Variants in SGCZ observed in about 807,000 individuals in gnomAD.
SGCZ encodes zeta-sarcoglycan.
SGCZ carries 40 observed loss-of-function variants against 41.3 expected under a neutral mutation model. The ratio of observed to expected loss-of-function variants is 0.97; its 90% confidence interval spans 0.75 to 1.26. The LOEUF is 1.26. Ranked by LOEUF, SGCZ falls within the 50% of genes most tolerant of loss-of-function variation. SGCZ has a pLI of 0.00. For synonymous variants in SGCZ, 206 were observed against 137.5 expected, an observed-to-expected ratio of 1.50 and a Z score of -3.49; for missense variants, 552 against 369.8, an observed-to-expected ratio of 1.49 and a Z score of -4.04.
intron 1 of SGCZ, among the ~76,000 whole-genome samples, chr8:14,561,881 T>C (rs1292339950): frequency 6.6e-6 from 1 of 152,142 alleles, no homozygotes; most frequent in Non-Finnish European, 1.5e-5. Flanking sequence ...CCTGATCAAA[T>C]AGAATTACAT....
At chr8:14,946,488 C>T (rs1800451143) in intron 1 of SGCZ, among the ~76,000 whole-genome samples, 1 of 151,972 alleles carries the variant, frequency 6.6e-6, no homozygotes, top group Admixed American at 6.6e-5. Flanking sequence ...GGTATTTCCA[C>T]CTGTGTAATT....
At chr8:15,071,826 T>C (rs1043062162) in intron 1 of SGCZ, among the ~76,000 whole-genome samples, 2 of 152,038 alleles carry the variant, frequency 1.3e-5, no homozygotes, top group African/African-American at 4.8e-5. Context: ...AAGAGGGGAA[T>C]ATAAAGAAGG....
intron 1 of SGCZ, among the ~76,000 whole-genome samples, chr8:14,753,967 GAAAT>G (rs1799579512): frequency 6.6e-6 from 1 of 152,156 alleles, no homozygotes; most frequent in East Asian, 1.9e-4. Context: ...CTTTAAATAT[GAAAT>G]AAATAAAGTG....
chr8:14,136,961 T>C (rs374523531), intron 5 of SGCZ, among the ~76,000 whole-genome samples: 102 of 152,246 alleles, frequency 6.7e-4, no homozygotes, highest in African/African-American at 2.4e-3. Flanking sequence ...GAGGAAGGAT[T>C]AGGCAGCAAC....
rs184955930 is a variant in SGCZ, at chr8:15,077,747, T to C, written c.39+159838A>G. 7.2e-3 allele frequency among the ~76,000 whole-genome samples: 1,092 copies of C among 152,242 alleles called. 13 individuals are homozygous for C. The highest frequency in any genetic ancestry group is 0.019 in the Admixed American group (288 of 15,296). Reference sequence around the variant, plus strand: ...CTATACCTGCACACCAAAATTTAGATAAAGGTAGACACTAAACATCCAGCA... The same window carrying C: ...CTATACCTGCACACCAAAATTTAGACAAAGGTAGACACTAAACATCCAGCA... On this transcript the variant is annotated intron_variant, in intron 1 of 7. Transcript: ENST00000382080.
chr8:14,911,623 A>G (rs1799282569), intron 1 of SGCZ, among the ~76,000 whole-genome samples: 1 of 152,014 alleles, frequency 6.6e-6, no homozygotes. Flanking sequence ...CCATAATAAA[A>G]TCTGGCTGCA....
chr8:15,068,200 G>A (rs534146484), intron 1 of SGCZ, among the ~76,000 whole-genome samples: 5 of 152,234 alleles, frequency 3.3e-5, no homozygotes, highest in Admixed American at 2.0e-4. Context: ...TCATTCTAAC[G>A]TACCATTTTG....
intron 5 of SGCZ, among the ~76,000 whole-genome samples, chr8:14,155,046 G>C (rs1803835281): frequency 6.6e-6 from 1 of 152,118 alleles, no homozygotes; most frequent in Non-Finnish European, 1.5e-5. Flanking sequence ...ACTCTGTTTT[G>C]GAGTAGTTTG....
intron 1 of SGCZ, among the ~76,000 whole-genome samples, chr8:14,865,144 G>A (rs914132522): frequency 3.3e-5 from 5 of 151,948 alleles, no homozygotes; most frequent in African/African-American, 9.7e-5. Flanking sequence ...AAAACTCAGT[G>A]TCCTTAGCAT....
intron 1 of SGCZ, among the ~76,000 whole-genome samples, chr8:15,024,793 G>A (rs936083293): frequency 1.6e-4 from 24 of 152,028 alleles, no homozygotes; most frequent in African/African-American, 5.3e-4. Context: ...AAAATTAGCC[G>A]GGCATGGTGG....
intron 5 of SGCZ, 84 bp from the exon 6 acceptor site, chr8:14,108,319 T>C: frequency 2.4e-6 from 3 of 1,262,250 alleles, no homozygotes; most frequent in Non-Finnish European, 3.4e-6. Context: ...CAAATATTCT[T>C]CCAAAACAGA....
chr8:14,160,641 C>G (rs1012252255), intron 5 of SGCZ, among the ~76,000 whole-genome samples: 6 of 152,140 alleles, frequency 3.9e-5, no homozygotes, highest in Non-Finnish European at 8.8e-5. Flanking sequence ...TGGAAAATTA[C>G]AAACCTTAAG....
chr8:14,496,241 T>A lies in SGCZ; in HGVS notation c.234+58491A>T, dbSNP rs75901800. ...ACATCATGCCTGGCTAATTTTTAAATTTTTTTTTGGAGAGACAAAAATCCA... is the reference window on the plus strand; with the variant it reads ...ACATCATGCCTGGCTAATTTTTAAAATTTTTTTTGGAGAGACAAAAATCCA... On this transcript the variant is annotated intron_variant, in intron 2 of 7. Transcript: ENST00000382080. 1.2e-3 allele frequency among the ~76,000 whole-genome samples: 48 copies of A among 41,246 alleles called. 1 individual carries two copies. In the South Asian group the frequency reaches 0.026, roughly 22 times the overall value. 27.1% of individuals were successfully genotyped at this position (41,246 alleles called of 152,430 possible).
intron 1 of SGCZ, among the ~76,000 whole-genome samples, chr8:14,670,518 G>A (rs2117508727): frequency 1.3e-5 from 2 of 152,254 alleles, no homozygotes; most frequent in Admixed American, 1.3e-4. Flanking sequence ...ATTATACTAA[G>A]ACTTCCTAAT....
chr8:14,393,771 C>A (rs2117224367), intron 2 of SGCZ, among the ~76,000 whole-genome samples: 1 of 152,246 alleles, frequency 6.6e-6, no homozygotes, highest in Admixed American at 6.5e-5. Context: ...AACCCAGCCG[C>A]TTCAATATCC....
At chr8:14,536,661 A>G (rs1364532861) in intron 2 of SGCZ, among the ~76,000 whole-genome samples, 1 of 151,900 alleles carries the variant, frequency 6.6e-6, no homozygotes, top group Non-Finnish European at 1.5e-5. Context: ...AAGCACTTAA[A>G]CATAATTCCT....
At chr8:15,108,286 G>A (rs899494033) in intron 1 of SGCZ, among the ~76,000 whole-genome samples, 20 of 152,176 alleles carry the variant, frequency 1.3e-4, no homozygotes, top group African/African-American at 4.8e-4. Flanking sequence ...TTTTAGGACA[G>A]TACACTCAGA....
At chr8:14,191,352 T>C (rs1262564738) in intron 4 of SGCZ, among the ~76,000 whole-genome samples, 2 of 152,222 alleles carry the variant, frequency 1.3e-5, no homozygotes, top group Non-Finnish European at 2.9e-5. Context: ...ACAACCTCAC[T>C]TATTTTTGCT....
intron 1 of SGCZ, among the ~76,000 whole-genome samples, chr8:14,700,165 C>CT (rs1809090656): frequency 6.6e-6 from 1 of 151,862 alleles, no homozygotes; most frequent in Admixed American, 6.6e-5. Flanking sequence ...AGAACGCTCG[C>CT]TGCAGCAAAA....
Sources: allele counts gnomAD v4.1 joint callset (sites outside exome capture counted in the v4.1 genomes callset), GRCh38; gene constraint gnomAD v4.1.1; transcripts MANE v1.5; gene names NCBI Gene and HGNC (gene_info 2026-07-23, HGNC 2026-07-21).